The following ACAP2 variants were observed in gnomAD, a reference collection of about 807,000 sequenced individuals.
The protein encoded by ACAP2 is arf-GAP with coiled-coil, ANK repeat and PH domain-containing protein 2.
ACAP2 carries 39 observed loss-of-function variants against 115.8 expected under a neutral mutation model. That is an observed-to-expected ratio of 0.34 (90% CI 0.26 to 0.44). The LOEUF (loss-of-function observed/expected upper bound fraction) is 0.44. Among genes scored for constraint, ACAP2 ranks in the 20% least tolerant of loss-of-function variants. The pLI, the probability that ACAP2 is intolerant of heterozygous loss-of-function variation, is 1.00. For synonymous variants in ACAP2, 289 were observed against 315.8 expected (o/e 0.92, Z 0.90); for missense variants, 662 against 927.6 (o/e 0.71, Z 3.72).
At chr3:195,302,277 G>C in intron 13 of ACAP2, 103 bp from the exon 14 acceptor site, 1 of 1,074,012 alleles carries the variant, frequency 9.3e-7, no homozygotes, top group Non-Finnish European at 1.3e-6. Flanking sequence ...ATAAATTAAA[G>C]GCCTGTTACA....
chr3:195,355,484 G>C (rs1201888136), intron 4 of ACAP2, among the ~76,000 whole-genome samples: 1 of 151,896 alleles, frequency 6.6e-6, no homozygotes, highest in Non-Finnish European at 1.5e-5. Context: ...GAAAAGCTAA[G>C]GTTCACTTAT....
At chr3:195,325,296 C>T (rs988080684) in intron 9 of ACAP2, 5 of 396,592 alleles carry the variant, frequency 1.3e-5, no homozygotes, top group African/African-American at 1.1e-4. Flanking sequence ...AAAATGCGTG[C>T]ACGTATCTGC....
At chr3:195,407,221 G>A (rs974572655) in intron 1 of ACAP2, among the ~76,000 whole-genome samples, 6 of 149,698 alleles carry the variant, frequency 4.0e-5, no homozygotes, top group Non-Finnish European at 1.5e-5. Context: ...AAAAAGCCAC[G>A]GGTGGTAGCT....
rs752746824 is a variant in ACAP2 at position 195,320,746 on chromosome 3, C to T, written c.812G>A (p.Gly271Glu). ...ATTGCTGGCTCGTTTGAACAGATAT[C>T]CTTCCATAACTATGCCATTTGCAGC... ...VDAANGIVME[G>E]YLFKRASNAF... The change falls in exon 10 of 23, where the codon GGA (glycine) becomes GAA (glutamate). Residue 271 changes from glycine to glutamate, a missense_variant. Gly to Glu is a moderately conservative substitution (Grantham distance 98). This residue lies in a region of ACAP2 where 401 missense variants were observed against 604.4 expected (regional missense o/e 0.66). Transcript: ENST00000326793. 2 of 1,613,552 alleles carry T rather than the reference C, an allele frequency of 1.2e-6. No homozygotes were observed. The highest frequency in any genetic ancestry group is 1.7e-6 in the Non-Finnish European group (2 of 1,179,672).
At chr3:195,330,191 C>T (rs941293198) in intron 8 of ACAP2, among the ~76,000 whole-genome samples, 3 of 152,176 alleles carry the variant, frequency 2.0e-5, no homozygotes, top group African/African-American at 4.8e-5. Flanking sequence ...GAATTCGTCA[C>T]GCCCTTCCAC....
At chr3:195,385,917 T>G (rs1734270740) in intron 2 of ACAP2, among the ~76,000 whole-genome samples, 1 of 152,180 alleles carries the variant, frequency 6.6e-6, no homozygotes, top group Admixed American at 6.5e-5. Context: ...GAAATAATGA[T>G]GTAATAACAT....
chr3:195,400,075 G>A (rs1451752194), intron 1 of ACAP2, among the ~76,000 whole-genome samples: 1 of 151,872 alleles, frequency 6.6e-6, no homozygotes, highest in Non-Finnish European at 1.5e-5. Flanking sequence ...CTACTCGGGG[G>A]GCTGAGGCAG....
intron 1 of ACAP2, among the ~76,000 whole-genome samples, chr3:195,439,983 T>C (rs1271261607): frequency 6.6e-6 from 1 of 152,140 alleles, no homozygotes; most frequent in Non-Finnish European, 1.5e-5. Flanking sequence ...TTGTAAAATT[T>C]TAAAGACCTA....
chr3:195,426,717 TATTAA>T (rs1714710815), intron 1 of ACAP2, among the ~76,000 whole-genome samples: 1 of 152,178 alleles, frequency 6.6e-6, no homozygotes, highest in South Asian at 2.1e-4. Flanking sequence ...ACATTTATAC[TATTAA>T]ATTAAAAATA....
intron 4 of ACAP2, among the ~76,000 whole-genome samples, chr3:195,369,108 AGAGG>A (rs1732944037): frequency 1.3e-5 from 2 of 151,472 alleles, no homozygotes; most frequent in Non-Finnish European, 2.9e-5. Context: ...AAAAAAAAAA[AGAGG>A]AAGAAATTAA....
At chr3:195,379,313 C>T (rs1733792312) in intron 4 of ACAP2, among the ~76,000 whole-genome samples, 1 of 152,118 alleles carries the variant, frequency 6.6e-6, no homozygotes, top group Non-Finnish European at 1.5e-5. Context: ...AACTGAACTT[C>T]AGACTTCATC....
chr3:195,384,713 C>T (rs111938513), intron 2 of ACAP2, among the ~76,000 whole-genome samples: 3,279 of 136,806 alleles, frequency 0.024, 114 homozygotes, highest in East Asian at 0.13. Flanking sequence ...AGTGACAGAG[C>T]GAGGCTGTCT....
intron 4 of ACAP2, among the ~76,000 whole-genome samples, chr3:195,380,004 G>A (rs757295908): frequency 3.3e-5 from 5 of 152,084 alleles, no homozygotes; most frequent in African/African-American, 4.8e-5. Flanking sequence ...TGTTGATAAC[G>A]ATGTGGAGAA....
At chr3:195,424,354 G>C (rs557347566) in intron 1 of ACAP2, among the ~76,000 whole-genome samples, 238 of 139,712 alleles carry the variant, frequency 1.7e-3, no homozygotes, top group African/African-American at 6.3e-3. Flanking sequence ...GAGTGCAGTG[G>C]CGTGATCTCA....
chr3:195,311,508 G>A (rs2109000754), intron 10 of ACAP2, among the ~76,000 whole-genome samples: 1 of 152,236 alleles, frequency 6.6e-6, no homozygotes, highest in African/African-American at 2.4e-5. Flanking sequence ...TGACCACAAA[G>A]CCAAAATACA....
chr3:195,285,066 G>A (rs1368254355), intron 22 of ACAP2, among the ~76,000 whole-genome samples: 1 of 152,120 alleles, frequency 6.6e-6, no homozygotes, highest in Non-Finnish European at 1.5e-5. Context: ...TTGCCATCAG[G>A]TGCAAAAAGT....
At chr3:195,317,040 G>T (rs112329928) in intron 10 of ACAP2, among the ~76,000 whole-genome samples, 3,239 of 151,066 alleles carry the variant, frequency 0.021, 112 homozygotes, top group East Asian at 0.1. Context: ...TGGGATTATA[G>T]GCATACACCA....
At chr3:195,404,802 CT>C (rs938693453) in intron 1 of ACAP2, among the ~76,000 whole-genome samples, 2,197 of 139,686 alleles carry the variant, frequency 0.016, 41 homozygotes, top group African/African-American at 0.052. Flanking sequence ...ATAATTTTTT[CT>C]TTTTTTTTTT....
intron 21 of ACAP2, among the ~76,000 whole-genome samples, chr3:195,287,666 G>A (rs936464782): frequency 6.6e-6 from 1 of 152,040 alleles, no homozygotes; most frequent in African/African-American, 2.4e-5. Context: ...CTGCCCAAAG[G>A]TAATGGAACT....
Sources: gnomAD v4.1 joint callset for allele counts (sites outside exome capture counted in the v4.1 genomes callset) on GRCh38, gnomAD v4.1.1 for gene constraint, gnomAD v4.1.1 regional missense constraint, MANE v1.5 for transcripts, NCBI Gene and HGNC (gene_info 2026-07-23, HGNC 2026-07-21) for gene names.